KCNJ6: variants seen among roughly 807,000 people sequenced by gnomAD.
KCNJ6 encodes the protein G protein-activated inward rectifier potassium channel 2.
A neutral mutation model predicts 34.2 loss-of-function variants in KCNJ6; 9 were observed. The ratio of observed to expected loss-of-function variants is 0.26; its 90% CI spans 0.16 to 0.46. The LOEUF (loss-of-function observed/expected upper bound fraction) is 0.46, where lower values mean the gene tolerates loss of function less well. KCNJ6 is among the 20% of genes least tolerant of loss of function. The pLI is 1.00. For missense variants in KCNJ6, 236 were observed against 531.3 expected (o/e 0.44, Z 5.46); for synonymous variants, 196 against 207.1 (o/e 0.95, Z 0.46).
At chr21:37,654,255 A>C (rs1429607197) in intron 3 of KCNJ6, among the ~76,000 whole-genome samples, 6 of 151,910 alleles carry the variant, frequency 3.9e-5, no homozygotes, top group Non-Finnish European at 8.8e-5. Flanking sequence ...TTCAGTCTCC[A>C]TGTCCTGTGA....
intron 3 of KCNJ6, among the ~76,000 whole-genome samples, chr21:37,681,082 C>T (rs578180222): frequency 2.0e-5 from 3 of 152,342 alleles, no homozygotes; most frequent in Admixed American, 2.0e-4. Flanking sequence ...TTGTGAATGT[C>T]GCTATTATCT....
chr21:37,706,161 C>T (rs2056093), intron 3 of KCNJ6, among the ~76,000 whole-genome samples: 9 of 152,134 alleles, frequency 5.9e-5, no homozygotes, highest in African/African-American at 1.7e-4. Context: ...GACTACTGTT[C>T]GCATAGCCCT....
At chr21:37,700,905 G>C (rs2054687592) in intron 3 of KCNJ6, among the ~76,000 whole-genome samples, 2 of 152,162 alleles carry the variant, frequency 1.3e-5, no homozygotes, top group Admixed American at 6.5e-5. Context: ...AGCCCCATGG[G>C]AATAGCTGGG....
chr21:37,821,163 C>A (rs1469089136), intron 2 of KCNJ6, among the ~76,000 whole-genome samples: 1 of 152,082 alleles, frequency 6.6e-6, no homozygotes, highest in Non-Finnish European at 1.5e-5. Context: ...TTGTTCTGAC[C>A]CCAGTATAAT....
intron 1 of KCNJ6, among the ~76,000 whole-genome samples, chr21:37,899,273 G>T (rs2055804966): frequency 6.6e-6 from 1 of 152,178 alleles, no homozygotes; most frequent in Non-Finnish European, 1.5e-5. Context: ...TCGCTTTAAT[G>T]ATATTCTTGC....
intron 3 of KCNJ6, among the ~76,000 whole-genome samples, chr21:37,681,345 A>G (rs1283953410): frequency 6.6e-6 from 1 of 152,178 alleles, no homozygotes; most frequent in Non-Finnish European, 1.5e-5. Context: ...AGGCAGGGAT[A>G]ATGAAAGATG....
intron 2 of KCNJ6, among the ~76,000 whole-genome samples, chr21:37,813,246 G>T (rs1287521057): frequency 1.3e-5 from 2 of 152,100 alleles, no homozygotes; most frequent in African/African-American, 2.4e-5. Flanking sequence ...ATTGATGAAA[G>T]AAATTGAACT....
intron 2 of KCNJ6, among the ~76,000 whole-genome samples, chr21:37,795,080 C>T (rs2055234803): frequency 6.6e-6 from 1 of 152,026 alleles, no homozygotes; most frequent in Non-Finnish European, 1.5e-5. Context: ...AAACATTGCT[C>T]TACATGTTAG....
chr21:37,916,444 TCCGAGATAAAAGCGAGTGCAGCG>T (rs1178285290), exon 1 of KCNJ6: 1 of 151,750 alleles, frequency 6.6e-6, no homozygotes, highest in African/African-American at 2.4e-5. Context: ...GCGACGCGGC[TCCGAGATAAAAGCGAGTGCAGCG>T]CCGCGTGCTG....
At chr21:37,751,808 G>T (rs908495818) in intron 2 of KCNJ6, among the ~76,000 whole-genome samples, 1 of 152,074 alleles carries the variant, frequency 6.6e-6, no homozygotes, top group Non-Finnish European at 1.5e-5. Flanking sequence ...ACCCTATCTC[G>T]GGGTCTTTGA....
At chr21:37,649,144 AAAAAAAAAAAG>A (rs1173868003) in intron 3 of KCNJ6, among the ~76,000 whole-genome samples, 6 of 149,682 alleles carry the variant, frequency 4.0e-5, no homozygotes, top group African/African-American at 1.2e-4. Context: ...AAAAAAAAAA[AAAAAAAAAAAG>A]AAAGAAAAAG....
intron 1 of KCNJ6, among the ~76,000 whole-genome samples, chr21:37,891,021 A>G (rs1178766716): frequency 6.6e-6 from 1 of 152,222 alleles, no homozygotes; most frequent in East Asian, 1.9e-4. Context: ...GTTAAACACA[A>G]GGGATCCTGA....
intron 1 of KCNJ6, among the ~76,000 whole-genome samples, chr21:37,877,960 G>C (rs938711554): frequency 6.6e-6 from 1 of 152,230 alleles, no homozygotes; most frequent in African/African-American, 2.4e-5. Context: ...GAAAGAAAAG[G>C]CATCATAAGA....
At chr21:37,843,023 C>T (rs904167158) in intron 1 of KCNJ6, among the ~76,000 whole-genome samples, 1 of 152,102 alleles carries the variant, frequency 6.6e-6, no homozygotes, top group African/African-American at 2.4e-5. Context: ...GGATCACAGA[C>T]CTCTTCAGCT....
intron 3 of KCNJ6, among the ~76,000 whole-genome samples, chr21:37,692,701 C>A (rs529738569): frequency 1.3e-5 from 2 of 152,288 alleles, no homozygotes; most frequent in South Asian, 4.1e-4. Flanking sequence ...CCTTCAAATT[C>A]ACTTTCAAAG....
At chr21:37,727,180 G>C (rs1255068910) in intron 2 of KCNJ6, among the ~76,000 whole-genome samples, 1 of 152,214 alleles carries the variant, frequency 6.6e-6, no homozygotes, top group Non-Finnish European at 1.5e-5. Flanking sequence ...AGGGTGGCCT[G>C]CTGACACCTC....
chr21:37,776,126 G>T (rs1017020238), intron 2 of KCNJ6, among the ~76,000 whole-genome samples: 2 of 152,182 alleles, frequency 1.3e-5, no homozygotes, highest in Non-Finnish European at 2.9e-5. Flanking sequence ...GTGAATGGGA[G>T]TTCACTCATT....
intron 2 of KCNJ6, among the ~76,000 whole-genome samples, chr21:37,793,707 T>G (rs2055228205): frequency 6.6e-6 from 1 of 152,126 alleles, no homozygotes; most frequent in Non-Finnish European, 1.5e-5. Flanking sequence ...ATCTGAGGCA[T>G]AGGGGTGTTA....
chr21:37,882,416 G>C (rs553094545), intron 1 of KCNJ6, among the ~76,000 whole-genome samples: 1 of 152,258 alleles, frequency 6.6e-6, no homozygotes, highest in South Asian at 2.1e-4. Flanking sequence ...TACAGCACAT[G>C]GGCAGGTGGC....
Sources: allele counts gnomAD v4.1 joint callset (sites outside exome capture counted in the v4.1 genomes callset), GRCh38; gene constraint gnomAD v4.1.1; transcripts MANE v1.5; gene names NCBI Gene and HGNC (gene_info 2026-07-23, HGNC 2026-07-21).